GTF2F2: variants seen among roughly 807,000 people sequenced by gnomAD.
The protein encoded by GTF2F2 is ATP-dependent helicase GTF2F2.
Under a neutral mutation model 42.2 loss-of-function variants are expected in GTF2F2, and 23 were observed. The observed-to-expected ratio is 0.55, with a 90% CI of 0.39 to 0.77. GTF2F2 has a LOEUF of 0.77. GTF2F2 is among the 30% of genes least tolerant of loss of function. The probability of loss-of-function intolerance (pLI) is 0.00; values close to 1 mark genes in which losing one functional copy is unlikely to be tolerated. For missense variants in GTF2F2, 261 were observed against 287.2 expected, an observed-to-expected ratio of 0.91 and a Z score of 0.66; for synonymous variants, 105 against 100.8, an observed-to-expected ratio of 1.04 and a Z score of -0.25.
chr13:45,213,384 C>T (rs181567557), intron 5 of GTF2F2, among the ~76,000 whole-genome samples: 1 of 152,120 alleles, frequency 6.6e-6, no homozygotes, highest in East Asian at 1.9e-4. Flanking sequence ...CCAGCTTCTA[C>T]CTAGGATTTC....
rs553411307 is a variant in GTF2F2 at position 45,283,625 on chromosome 13, A to C, written c.*64A>C. The C allele has an allele frequency of 4.1e-6, 6 of 1,454,238 alleles. No homozygotes were observed. In the East Asian group the frequency reaches 1.2e-4, roughly 29 times the overall value. The allele number at this position is 1,454,238 out of a possible 1,614,324, so 90.1% of individuals were successfully genotyped here. On this transcript the variant is annotated 3_prime_UTR_variant, in exon 8 of 8. Transcript: ENST00000340473. ...GCGATGCTATGCAAAAGGCGCTGAT[A>C]CTGGAAGGCTTGAACACCGTATGTT...
intron 4 of GTF2F2, chr13:45,194,364 G>A (rs1217455648): frequency 4.3e-6 from 7 of 1,614,082 alleles, no homozygotes; most frequent in Admixed American, 3.3e-5. Flanking sequence ...CAAACGGGCA[G>A]AGGATTTTTC....
intron 4 of GTF2F2, chr13:45,206,257 G>A (rs1185951744): frequency 6.6e-6 from 1 of 151,932 alleles, no homozygotes; most frequent in Admixed American, 6.6e-5. Flanking sequence ...CCTAGATTTT[G>A]GAGACATCCA....
At chr13:45,245,221 G>A (rs1396546741) in intron 5 of GTF2F2, among the ~76,000 whole-genome samples, 1 of 152,162 alleles carries the variant, frequency 6.6e-6, no homozygotes, top group East Asian at 1.9e-4. Context: ...CAGTTTTACA[G>A]AGATGTAGTC....
At chr13:45,194,092 C>T in intron 4 of GTF2F2, 1 of 1,614,088 alleles carries the variant, frequency 6.2e-7, no homozygotes, top group East Asian at 2.2e-5. Context: ...AGGAGCATTA[C>T]AGAAGATTCT....
chr13:45,277,299 G>A (rs1877077768), intron 7 of GTF2F2, among the ~76,000 whole-genome samples: 1 of 152,150 alleles, frequency 6.6e-6, no homozygotes, highest in African/African-American at 2.4e-5. Flanking sequence ...TATGATGCTG[G>A]CATCTGCTCA....
At chr13:45,279,999 A>G (rs1359055960) in intron 7 of GTF2F2, among the ~76,000 whole-genome samples, 1 of 151,346 alleles carries the variant, frequency 6.6e-6, no homozygotes, top group Non-Finnish European at 1.5e-5. Flanking sequence ...AAGAGCTACC[A>G]TCGAAGGTTG....
intron 5 of GTF2F2, among the ~76,000 whole-genome samples, chr13:45,245,546 A>G (rs927633285): frequency 2.0e-5 from 3 of 151,834 alleles, no homozygotes; most frequent in Admixed American, 2.0e-4. Flanking sequence ...AGAACATACA[A>G]TGTTTGGTTT....
chr13:45,133,618 C>T (rs534911819), intron 1 of GTF2F2, among the ~76,000 whole-genome samples: 16 of 152,248 alleles, frequency 1.1e-4, no homozygotes, highest in Admixed American at 6.5e-4. Flanking sequence ...GCCACCTGGG[C>T]GCCATAGTGA....
chr13:45,124,107 C>T (rs997868814), intron 1 of GTF2F2: 13 of 769,474 alleles, frequency 1.7e-5, no homozygotes, highest in South Asian at 2.8e-5. Context: ...ACAAAGTGGT[C>T]GTTGAGGGCA....
chr13:45,214,706 ATTATT>A (rs1458920989), intron 5 of GTF2F2, among the ~76,000 whole-genome samples: 1 of 152,184 alleles, frequency 6.6e-6, no homozygotes, highest in Non-Finnish European at 1.5e-5. Flanking sequence ...TTTAATTTGG[ATTATT>A]TTAAGTGTAA....
intron 4 of GTF2F2, among the ~76,000 whole-genome samples, chr13:45,160,025 G>A (rs2138130656): frequency 2.0e-5 from 3 of 152,278 alleles, no homozygotes; most frequent in Admixed American, 2.0e-4. Context: ...GGGACTTTCT[G>A]AGGCTTTATT....
rs191510450 is a variant in GTF2F2, at chr13:45,211,141, A to G, written c.386+3636A>G. Among the ~76,000 whole-genome samples the G allele has an allele frequency of 4.2e-4, 64 of 152,280 alleles. No individual in the cohort carries two copies. In the East Asian group the frequency reaches 0.011, roughly 26 times the overall value. ...CCCTGCTGTCCTGTGCATTGCAAGG[A>G]AAGTTTACACTGATGAGAGGAGAGG... On this transcript the variant is annotated intron_variant, in intron 5 of 7. Transcript: ENST00000340473.
At chr13:45,189,509 A>G (rs972335491) in intron 4 of GTF2F2, among the ~76,000 whole-genome samples, 5 of 152,266 alleles carry the variant, frequency 3.3e-5, no homozygotes, top group Admixed American at 6.5e-5. Flanking sequence ...ACTAATTTAC[A>G]TGCCCACCAA....
At chr13:45,167,396 A>ATTTT (rs761750778) in intron 4 of GTF2F2, among the ~76,000 whole-genome samples, 16,429 of 103,932 alleles carry the variant, frequency 0.16, 1,568 homozygotes, top group Non-Finnish European at 0.19. Context: ...TCACCCAGCT[A>ATTTT]TTTTTTTTTT....
At chr13:45,150,930 G>T (rs1303511163) in intron 3 of GTF2F2, among the ~76,000 whole-genome samples, 1 of 151,956 alleles carries the variant, frequency 6.6e-6, no homozygotes, top group African/African-American at 2.4e-5. Context: ...TATAATGATA[G>T]ATTAGCCCCA....
At chr13:45,150,019 A>G (rs998889426) in intron 3 of GTF2F2, among the ~76,000 whole-genome samples, 12 of 152,206 alleles carry the variant, frequency 7.9e-5, no homozygotes, top group African/African-American at 2.7e-4. Flanking sequence ...TCTTGGTACC[A>G]TGAAACTGAG....
At chr13:45,191,224 A>AAAAAAAAAAAATATATATATATAT in intron 4 of GTF2F2, among the ~76,000 whole-genome samples, 7 of 75,296 alleles carry the variant, frequency 9.3e-5, no homozygotes, top group Non-Finnish European at 1.1e-4. Flanking sequence ...ACAAAAAAAA[A>AAAAAAAAAAAATATATATATATAT]ATATATATAT....
chr13:45,129,768 A>G (rs1869237717), intron 1 of GTF2F2, among the ~76,000 whole-genome samples: 1 of 152,228 alleles, frequency 6.6e-6, no homozygotes, highest in South Asian at 2.1e-4. Flanking sequence ...AGGAGGGAGA[A>G]TAGACGATAA....
Sources: gnomAD v4.1 joint callset for allele counts (sites outside exome capture counted in the v4.1 genomes callset) on GRCh38, gnomAD v4.1.1 for gene constraint, MANE v1.5 for transcripts, NCBI Gene and HGNC (gene_info 2026-07-23, HGNC 2026-07-21) for gene names.